The following CHSY3 variants were observed in gnomAD, a reference collection of about 807,000 sequenced individuals.
The protein encoded by CHSY3 is N-acetylgalactosaminyl-proteoglycan 3-beta-glucuronosyltransferase 3.
CHSY3 carries 35 observed loss-of-function variants against 67.2 expected under a neutral mutation model. That is an observed-to-expected ratio of 0.52 (90% CI 0.40 to 0.69). The LOEUF (loss-of-function observed/expected upper bound fraction) is 0.69. Among genes scored for constraint, CHSY3 ranks in the 30% least tolerant of loss-of-function variants. CHSY3 has a pLI of 0.00. For synonymous variants in CHSY3, 474 were observed against 434.7 expected (o/e 1.09, Z -1.12); for missense variants, 1,069 against 1,138.5 (o/e 0.94, Z 0.88).
intron 2 of CHSY3, among the ~76,000 whole-genome samples, chr5:129,956,885 A>G (rs1762192861): frequency 6.6e-6 from 1 of 152,148 alleles, no homozygotes. Context: ...TATAGCTTGA[A>G]GACAGGTAGT....
intron 2 of CHSY3, among the ~76,000 whole-genome samples, chr5:129,979,226 GAAAGA>G (rs1762906329): frequency 9.4e-6 from 1 of 106,794 alleles, no homozygotes. Flanking sequence ...AAAAAAAAAA[GAAAGA>G]AAAGAAAAAG....
chr5:130,039,956 G>C (rs889577098), intron 2 of CHSY3, among the ~76,000 whole-genome samples: 2 of 152,054 alleles, frequency 1.3e-5, no homozygotes, highest in African/African-American at 4.8e-5. Context: ...GTGTGTCTAA[G>C]TTGCTTAAAT....
intron 2 of CHSY3, among the ~76,000 whole-genome samples, chr5:129,955,824 G>T (rs1011200216): frequency 2.0e-5 from 3 of 152,134 alleles, no homozygotes; most frequent in Non-Finnish European, 2.9e-5. Context: ...GTTTGCTAAG[G>T]ATGATGGCTT....
intron 2 of CHSY3, among the ~76,000 whole-genome samples, chr5:130,080,131 A>G (rs1766401466): frequency 6.6e-6 from 1 of 151,976 alleles, no homozygotes; most frequent in Admixed American, 6.6e-5. Context: ...CATAAAATGT[A>G]TATCTATCAT....
intron 2 of CHSY3, among the ~76,000 whole-genome samples, chr5:130,033,058 C>T (rs1364590235): frequency 6.6e-6 from 1 of 152,120 alleles, no homozygotes; most frequent in Non-Finnish European, 1.5e-5. Context: ...CCAGATGAAG[C>T]CGACAGCTGG....
chr5:130,177,088 G>C (rs1449354913), intron 2 of CHSY3, among the ~76,000 whole-genome samples: 1 of 151,540 alleles, frequency 6.6e-6, no homozygotes, highest in African/African-American at 2.4e-5. Flanking sequence ...TATTGACTTA[G>C]TTAACTTTCC....
intron 2 of CHSY3, among the ~76,000 whole-genome samples, chr5:130,091,130 A>G (rs1347604446): frequency 8.6e-6 from 1 of 115,834 alleles, no homozygotes; most frequent in Non-Finnish European, 1.8e-5. Context: ...ACACACACAC[A>G]CACACGCACA....
chr5:130,085,992 C>T (rs1004268451), intron 2 of CHSY3, among the ~76,000 whole-genome samples: 6 of 151,800 alleles, frequency 4.0e-5, no homozygotes, highest in Non-Finnish European at 5.9e-5. Flanking sequence ...TTATAATTTC[C>T]GTTCTTTTAC....
rs201881255 is a variant in CHSY3 at position 130,128,831 on chromosome 5, CAAT to C, written c.1087-55393_1087-55391del. Among the ~76,000 whole-genome samples the C allele has an allele frequency of 9.3e-3, 1,416 of 151,696 alleles. 15 individuals carry two copies. Among genetic ancestry groups the C allele is most frequent in the African/African-American group, 0.032 (1,313 of 41,368 alleles). ...TAAATATGGACAGCTATTTGCATGT[CAAT>C]AATACCTTTATAAAGTGGGTTAAAA... is the stretch of plus-strand genomic sequence containing the variant. On this transcript the variant is annotated intron_variant, in intron 2 of 2. Coordinates refer to ENST00000305031, the MANE Select transcript of CHSY3 (RefSeq NM_175856.5).
intron 2 of CHSY3, among the ~76,000 whole-genome samples, chr5:130,023,645 C>A (rs978884783): frequency 6.6e-6 from 1 of 151,816 alleles, no homozygotes; most frequent in Non-Finnish European, 1.5e-5. Flanking sequence ...GTAAAATGTG[C>A]GTAAGAAGTA....
At chr5:130,127,589 A>G (rs1163220852) in intron 2 of CHSY3, among the ~76,000 whole-genome samples, 1 of 152,214 alleles carries the variant, frequency 6.6e-6, no homozygotes, top group African/African-American at 2.4e-5. Flanking sequence ...GGATAAAGGC[A>G]CTTTGTTTTA....
intron 2 of CHSY3, among the ~76,000 whole-genome samples, chr5:130,171,444 T>A (rs1056544577): frequency 2.0e-5 from 3 of 152,212 alleles, no homozygotes; most frequent in Non-Finnish European, 4.4e-5. Flanking sequence ...ATGAACTTAG[T>A]GATTTCTTTA....
At chr5:130,018,970 C>T (rs1764289983) in intron 2 of CHSY3, among the ~76,000 whole-genome samples, 1 of 152,156 alleles carries the variant, frequency 6.6e-6, no homozygotes, top group African/African-American at 2.4e-5. Context: ...CTCGGACCAT[C>T]TCTGCCGTGT....
intron 2 of CHSY3, among the ~76,000 whole-genome samples, chr5:130,061,485 A>G (rs941072645): frequency 6.6e-6 from 1 of 152,184 alleles, no homozygotes; most frequent in Non-Finnish European, 1.5e-5. Flanking sequence ...TCTTTTCGAC[A>G]TTGGCCTAGG....
chr5:130,027,942 G>A (rs1011495780), intron 2 of CHSY3, among the ~76,000 whole-genome samples: 1 of 152,158 alleles, frequency 6.6e-6, no homozygotes, highest in Non-Finnish European at 1.5e-5. Flanking sequence ...ATGTGTGCAT[G>A]TGCTTTTATA....
chr5:130,178,253 A>ATATATATATTTTTTT (rs1205782386), intron 2 of CHSY3, among the ~76,000 whole-genome samples: 2 of 45,910 alleles, frequency 4.4e-5, no homozygotes, highest in African/African-American at 2.0e-4. Context: ...ATATATATAT[A>ATATATATATTTTTTT]TTTTTTTTTT....
intron 2 of CHSY3, among the ~76,000 whole-genome samples, chr5:130,008,332 G>A (rs1313975766): frequency 6.6e-6 from 1 of 152,146 alleles, no homozygotes; most frequent in African/African-American, 2.4e-5. Context: ...AGCACCTAGG[G>A]TTAGAGCATG....
At chr5:129,976,913 CATATAT>C (rs5871372) in intron 2 of CHSY3, among the ~76,000 whole-genome samples, 56 of 146,556 alleles carry the variant, frequency 3.8e-4, no homozygotes, top group African/African-American at 1.3e-3. Flanking sequence ...ATAGAGAAGA[CATATAT>C]ATATATATAT....
intron 2 of CHSY3, among the ~76,000 whole-genome samples, chr5:129,996,301 G>A (rs1237398271): frequency 1.3e-5 from 2 of 152,054 alleles, no homozygotes; most frequent in Admixed American, 1.3e-4. Flanking sequence ...TTGCATTGTG[G>A]TCCCTTTAGT....
Sources: gnomAD v4.1 joint callset for allele counts (sites outside exome capture counted in the v4.1 genomes callset) on GRCh38, gnomAD v4.1.1 for gene constraint, MANE v1.5 for transcripts, NCBI Gene and HGNC (gene_info 2026-07-23, HGNC 2026-07-21) for gene names.